PDGFD: variants seen among roughly 807,000 people sequenced by gnomAD.
PDGFD encodes platelet derived growth factor D.
Under a neutral mutation model 44.7 loss-of-function variants are expected in PDGFD, and 30 were observed. That is an observed-to-expected ratio of 0.67 (90% confidence interval 0.50 to 0.91). The LOEUF is 0.91. Ranked by LOEUF, PDGFD falls within the 40% of genes least tolerant of loss-of-function variation. The pLI, the probability that PDGFD is intolerant of heterozygous loss-of-function variation, is 0.00. For synonymous variants in PDGFD, 173 were observed against 168.4 expected (o/e 1.03, Z -0.21); for missense variants, 445 against 457.8 (o/e 0.97, Z 0.25).
chr11:104,024,029 C>T (rs1451237847), intron 1 of PDGFD, among the ~76,000 whole-genome samples: 2 of 152,128 alleles, frequency 1.3e-5, no homozygotes, highest in Non-Finnish European at 2.9e-5. Context: ...CTCTTATAAA[C>T]TTAAACATAT....
At chr11:104,092,439 C>T (rs113667995) in intron 1 of PDGFD, among the ~76,000 whole-genome samples, 11 of 152,132 alleles carry the variant, frequency 7.2e-5, no homozygotes, top group Non-Finnish European at 1.5e-4. Flanking sequence ...TCACCCTCTG[C>T]GCTATCTCAA....
intron 1 of PDGFD, among the ~76,000 whole-genome samples, chr11:104,091,756 T>A (rs984791140): frequency 6.6e-6 from 1 of 152,118 alleles, no homozygotes; most frequent in African/African-American, 2.4e-5. Context: ...AATGGCTTTA[T>A]AATCTTGATT....
In PDGFD at chr11:103,996,158, C is replaced by T. The variant is rs776520388; in HGVS notation, c.417G>A (p.Arg139=). The part of the protein sequence containing the change: ...RWCGHKEVPP[R]IKSRTNQIKI... Reference sequence around the variant, plus strand: ...TAATTTGGTTCGTTCTTGATTTTATCCTTGGAGGAACTTCCTTGTGTCCAC... The same window carrying T: ...TAATTTGGTTCGTTCTTGATTTTATTCTTGGAGGAACTTCCTTGTGTCCAC... Residue 139 remains arginine, a synonymous_variant, in exon 3 of 7, where the codon AGG becomes AGA. Coordinates refer to ENST00000393158, the MANE Select transcript of PDGFD (RefSeq NM_025208.5). The T allele has an allele frequency of 2.5e-6, 4 of 1,613,538 alleles. No individual in the cohort carries two copies. The East Asian group carries it at 8.9e-5, about 36-fold the overall frequency.
chr11:104,131,132 A>G (rs1379902892), intron 1 of PDGFD, among the ~76,000 whole-genome samples: 1 of 152,194 alleles, frequency 6.6e-6, no homozygotes, highest in Non-Finnish European at 1.5e-5. Context: ...TCAAAACAAT[A>G]TTAGTTTTGT....
At chr11:104,119,859 AT>A (rs1565341206) in intron 1 of PDGFD, among the ~76,000 whole-genome samples, 6 of 88,638 alleles carry the variant, frequency 6.8e-5, no homozygotes, top group African/African-American at 2.0e-4. Context: ...ATATAATTAT[AT>A]TATATATATA....
intron 1 of PDGFD, among the ~76,000 whole-genome samples, chr11:104,010,670 A>G (rs1176903355): frequency 1.3e-5 from 2 of 152,110 alleles, no homozygotes; most frequent in Non-Finnish European, 2.9e-5. Context: ...CAAAATAACC[A>G]TGGTAGATTT....
Position 104,130,721 on chromosome 11 carries a change from C to T in PDGFD, c.124+33083G>A, listed in dbSNP as rs142898553. Among the ~76,000 whole-genome samples, 410 of 152,290 alleles carry T rather than the reference C, an allele frequency of 2.7e-3. 3 individuals carry two copies. Among genetic ancestry groups the T allele is most frequent in the African/African-American group, 9.5e-3 (393 of 41,568 alleles). ...CATTTTTGTCATTCAAGCTTTGGCTCCAACATCCTCAGAGAGACCTTCTTA... is the reference window on the plus strand; with the variant it reads ...CATTTTTGTCATTCAAGCTTTGGCTTCAACATCCTCAGAGAGACCTTCTTA... On this transcript the variant is annotated intron_variant, in intron 1 of 6. Transcript: ENST00000393158.
At chr11:104,136,642 A>T (rs960153121) in intron 1 of PDGFD, among the ~76,000 whole-genome samples, 8 of 152,210 alleles carry the variant, frequency 5.3e-5, no homozygotes, top group African/African-American at 1.4e-4. Context: ...AAATTACAAC[A>T]TCAATGAAGT....
At chr11:104,101,439 A>C (rs1281161869) in intron 1 of PDGFD, among the ~76,000 whole-genome samples, 1 of 152,196 alleles carries the variant, frequency 6.6e-6, no homozygotes, top group Non-Finnish European at 1.5e-5. Context: ...ACCACTGCTC[A>C]ATGAAATAAA....
intron 1 of PDGFD, among the ~76,000 whole-genome samples, chr11:104,144,245 T>C (rs935617057): frequency 6.6e-6 from 1 of 152,140 alleles, no homozygotes; most frequent in African/African-American, 2.4e-5. Context: ...ACAGCCATTA[T>C]ATTTACCATT....
intron 1 of PDGFD, among the ~76,000 whole-genome samples, chr11:104,005,709 G>A (rs532094781): frequency 6.6e-6 from 1 of 152,300 alleles, no homozygotes; most frequent in East Asian, 1.9e-4. Context: ...TACAAAGGAA[G>A]TTCTGAAAAT....
At chr11:104,078,378 C>A (rs1412311578) in intron 1 of PDGFD, among the ~76,000 whole-genome samples, 1 of 152,156 alleles carries the variant, frequency 6.6e-6, no homozygotes, top group Non-Finnish European at 1.5e-5. Flanking sequence ...TCTAAGGAAA[C>A]CAGCCACTAG....
intron 3 of PDGFD, among the ~76,000 whole-genome samples, chr11:103,985,235 C>A (rs1859345649): frequency 6.8e-6 from 1 of 146,870 alleles, no homozygotes; most frequent in South Asian, 2.1e-4. Context: ...AAGGTCTTGC[C>A]TTATCACCAA....
At chr11:104,032,652 C>CT (rs202215171) in intron 1 of PDGFD, among the ~76,000 whole-genome samples, 6,266 of 137,960 alleles carry the variant, frequency 0.045, 142 homozygotes, top group Non-Finnish European at 0.051. Context: ...GGATTTTTTT[C>CT]TTTTTTTTTT....
At chr11:104,023,861 G>A (rs1375514541) in intron 1 of PDGFD, among the ~76,000 whole-genome samples, 1 of 152,076 alleles carries the variant, frequency 6.6e-6, no homozygotes, top group Non-Finnish European at 1.5e-5. Flanking sequence ...GTCTAATTCA[G>A]AGCAAAATGA....
At chr11:104,022,669 T>G (rs1386205078) in intron 1 of PDGFD, among the ~76,000 whole-genome samples, 1 of 151,994 alleles carries the variant, frequency 6.6e-6, no homozygotes, top group African/African-American at 2.4e-5. Flanking sequence ...GTATATATAT[T>G]TGAACCTTAA....
intron 1 of PDGFD, among the ~76,000 whole-genome samples, chr11:104,083,473 C>T (rs1352567187): frequency 6.6e-6 from 1 of 152,112 alleles, no homozygotes; most frequent in Non-Finnish European, 1.5e-5. Context: ...CCTTTTTGGA[C>T]CACTGATTAC....
intron 1 of PDGFD, among the ~76,000 whole-genome samples, chr11:104,002,415 G>A (rs1018699432): frequency 7.2e-5 from 11 of 152,018 alleles, no homozygotes; most frequent in African/African-American, 2.4e-4. Context: ...AAAGTGTGGC[G>A]GTCCCCTGCA....
At chr11:103,972,333 A>G (rs1197317971) in intron 3 of PDGFD, among the ~76,000 whole-genome samples, 1 of 152,108 alleles carries the variant, frequency 6.6e-6, no homozygotes, top group Non-Finnish European at 1.5e-5. Flanking sequence ...ATATTGCCCA[A>G]TATCTTGGGG....
Sources: gnomAD v4.1 joint callset for allele counts (sites outside exome capture counted in the v4.1 genomes callset) on GRCh38, gnomAD v4.1.1 for gene constraint, MANE v1.5 for transcripts, NCBI Gene and HGNC (gene_info 2026-07-23, HGNC 2026-07-21) for gene names.